The following DNAH1 variants were observed in gnomAD, a reference collection of about 807,000 sequenced individuals.
DNAH1 encodes the protein dynein axonemal heavy chain 1.
In DNAH1, 327 loss-of-function variants were observed where a neutral mutation model predicts 484.3. The observed-to-expected ratio is 0.68, with a 90% confidence interval of 0.62 to 0.74. The LOEUF (loss-of-function observed/expected upper bound fraction) is 0.74. Ranked by LOEUF, DNAH1 falls within the 30% of genes least tolerant of loss-of-function variation. The pLI is 0.00. For synonymous variants in DNAH1, 2,192 were observed against 2,191.9 expected, an observed-to-expected ratio of 1.00 and a Z score of 0.00; for missense variants, 5,052 against 5,546.8, an observed-to-expected ratio of 0.91 and a Z score of 2.83.
Position 52,345,583 on chromosome 3 carries a change from G to A in DNAH1, c.1533G>A (p.Thr511=), listed in dbSNP as rs774468676. Residue 511 remains threonine, a synonymous_variant, in exon 10 of 78, where the codon ACG becomes ACA. Coordinates refer to ENST00000420323, the MANE Select transcript of DNAH1 (RefSeq NM_015512.5). ...VSLLTRPEVI[T]ALSKVRAECN... ...TGCTCACACGGCCAGAGGTCATCAC[G>A]GCCCTCAGCAAGGTGAGGGCCGAGT... 47 of 1,602,252 alleles carry A rather than the reference G, an allele frequency of 2.9e-5. No homozygotes were observed. The highest frequency in any genetic ancestry group is 6.8e-5 in the East Asian group (3 of 44,316).
chr3:52,317,549 A>G (rs969596338), intron 1 of DNAH1, among the ~76,000 whole-genome samples: 3 of 152,356 alleles, frequency 2.0e-5, no homozygotes, highest in South Asian at 2.1e-4. Flanking sequence ...ACATATGTAT[A>G]TGTATTTAAA....
intron 55 of DNAH1, 54 bp from the exon 56 acceptor site, chr3:52,386,608 C>T: frequency 6.7e-7 from 1 of 1,487,994 alleles, no homozygotes; most frequent in Non-Finnish European, 9.0e-7. Context: ...AGGGTCCCTG[C>T]CGAGGGGTGC....
At position 52,358,561 on chromosome 3, in the gene DNAH1, C is replaced by T; in HGVS notation, c.4090C>T (p.Leu1364=). Residue 1364 remains leucine, a synonymous_variant, in exon 25 of 78, where the codon CTA becomes TTA. Transcript: ENST00000420323. The surrounding 1 kb of genome is among the most constrained non-coding windows in gnomAD (Gnocchi z 4.2). The stretch of plus-strand genomic sequence containing the variant: ...CCTGCTCCTCCACTGCTTGCAGCTG[C>T]TATTCCAGGAGGACCTGGAGATCAC... ...RKCFENIARL[L]FQEDLEITHM... 1 of 1,606,788 alleles carries T rather than the reference C, an allele frequency of 6.2e-7. No homozygotes were observed. The highest frequency in any genetic ancestry group is 1.1e-5 in the South Asian group (1 of 89,918).
Position 52,376,001 on chromosome 3 carries a change from T to G in DNAH1, c.7198+8T>G. 6.2e-7 allele frequency: 1 copy of G among 1,611,046 alleles called. No homozygotes were observed. Among genetic ancestry groups the G allele is most frequent in the South Asian group, 1.1e-5 (1 of 90,566 alleles). On this transcript the variant is annotated splice_region_variant and intron_variant, in intron 46 of 77. Coordinates refer to ENST00000420323, the MANE Select transcript of DNAH1 (RefSeq NM_015512.5). The stretch of plus-strand genomic sequence containing the variant: ...GCTACCGGGAGCGTGTGCGTAAGTG[T>G]GGGCCTGGGCGGGAATGGGGCACTG...
At position 52,346,576 on chromosome 3, in the gene DNAH1, C is replaced by A. The variant is rs201978072; in HGVS notation, c.1761C>A (p.Asn587Lys). 3 of 1,614,082 alleles carry A rather than the reference C, an allele frequency of 1.9e-6. No individual in the cohort carries two copies. The South Asian group carries it at 3.3e-5, about 18-fold the overall frequency. The change falls in exon 11 of 78, where the codon AAC becomes AAA. Residue 587 changes from asparagine to lysine, a missense_variant. Coordinates refer to ENST00000420323, the MANE Select transcript of DNAH1 (RefSeq NM_015512.5). ...GCTGGTACAACCTCTACGAGACCAA[C>A]TGGGAGGTGTACCTCATGTCCAAGC... ...SKGWYNLYET[N>K]WEVYLMSKLR... is the part of the protein sequence containing the mutation.
chr3:52,361,179 G>T lies in DNAH1; in HGVS notation c.4701G>T (p.Leu1567=). The T allele has an allele frequency of 1.2e-6, 2 of 1,609,734 alleles. No individual in the cohort carries two copies. Among genetic ancestry groups the T allele is most frequent in the South Asian group, 2.2e-5 (2 of 90,178 alleles). The change falls in exon 29 of 78, where the codon CTG becomes CTT. Residue 1567 remains leucine (L), a synonymous_variant. Transcript: ENST00000420323. The surrounding 1 kb of genome is among the most constrained non-coding windows in gnomAD (Gnocchi z 5.6). ...TCTCCTGCAGGTGCTACCTGACACT[G>T]ACCGGAGCTCTGCACCTCAAGTTTG... ...TPLTDRCYLT[L]TGALHLKFGG...
rs1318994353 is a variant in DNAH1, at chr3:52,391,193, G to A, written c.9756G>A (p.Gly3252=). 3.1e-6 allele frequency: 5 copies of A among 1,613,980 alleles called. No homozygotes were observed. The African/African-American group carries it at 5.3e-5, about 17-fold the overall frequency. Residue 3252 remains glycine, a synonymous_variant, in exon 62 of 78, where the codon GGG becomes GGA. Transcript: ENST00000420323. ...KWIKNMEKDN[G]LDVFKLSDRD... ...TTCCCTTACAGGAGAAGGACAATGG[G>A]CTGGATGTGTTCAAGTTGAGTGACC...
At chr3:52,311,198 CTG>C in the DNAH1 span, among the ~76,000 whole-genome samples, 2 of 152,204 alleles carry the variant, frequency 1.3e-5, no homozygotes, top group Non-Finnish European at 2.9e-5. Flanking sequence ...AGAGAAACAA[CTG>C]TGAGGCTCAG....
chr3:52,313,743 T>C (rs1700865538), upstream of DNAH1, among the ~76,000 whole-genome samples: 1 of 152,116 alleles, frequency 6.6e-6, no homozygotes, highest in South Asian at 2.1e-4. Context: ...TTTTACACAT[T>C]CGCTCCTGGA....
chr3:52,336,739 C>T (rs1701755634), intron 8 of DNAH1, among the ~76,000 whole-genome samples: 1 of 152,120 alleles, frequency 6.6e-6, no homozygotes, highest in Non-Finnish European at 1.5e-5. Flanking sequence ...GATCAGATGG[C>T]TGTAGGTGTG....
intron 9 of DNAH1, 23 bp from the exon 10 acceptor site, chr3:52,345,472 G>A (rs1229220004): frequency 1.3e-6 from 2 of 1,551,064 alleles, no homozygotes; most frequent in Admixed American, 3.9e-5. Context: ...TCTGATACTG[G>A]CCCTTGGCCC....
rs1704868555 is a variant in DNAH1 at position 52,400,477 on chromosome 3, C to T, written c.*31C>T. 6.2e-7 allele frequency: 1 copy of T among 1,613,726 alleles called. No individual in the cohort carries two copies. ...GACAGAAGGGCTGGGGCCATTAAAGCTGAATTTTCTAAGCAGTCCAGCTGT... is the reference window on the plus strand; with the variant it reads ...GACAGAAGGGCTGGGGCCATTAAAGTTGAATTTTCTAAGCAGTCCAGCTGT... On this transcript the variant is annotated 3_prime_UTR_variant, in exon 78 of 78. Coordinates refer to ENST00000420323, the MANE Select transcript of DNAH1 (RefSeq NM_015512.5).
chr3:52,322,919 A>G, intron 2 of DNAH1, 144 bp downstream of exon 2: 1 of 766,184 alleles, frequency 1.3e-6, no homozygotes, highest in Admixed American at 2.7e-5. Context: ...CTATCCATCT[A>G]CCCCCTATTA....
At position 52,394,353 on chromosome 3, in the gene DNAH1, G is replaced by A. The variant is rs1250424251; in HGVS notation, c.10627-112G>A. Reference sequence around the variant, plus strand: ...CTGTTTGACTACCATCCCCAAGGGAGACTCAGTTTCTCCAGGTGAGGGTGG... The same window carrying A: ...CTGTTTGACTACCATCCCCAAGGGAAACTCAGTTTCTCCAGGTGAGGGTGG... On this transcript the variant is annotated intron_variant, in intron 66 of 77. Coordinates refer to ENST00000420323, the MANE Select transcript of DNAH1 (RefSeq NM_015512.5). The A allele has an allele frequency of 9.8e-6, 10 of 1,016,796 alleles. No individual in the cohort carries two copies. In the East Asian group the frequency reaches 2.6e-4, roughly 27 times the overall value. 63.0% of individuals were successfully genotyped at this position (1,016,796 alleles called of 1,614,324 possible).
intron 41 of DNAH1, 58 bp downstream of exon 41, chr3:52,370,883 T>C: frequency 6.6e-7 from 1 of 1,514,800 alleles, no homozygotes; most frequent in Non-Finnish European, 9.0e-7. Flanking sequence ...TGGCTGCTGT[T>C]CCCGCAATGA....
chr3:52,365,869 C>G (rs1703053382), intron 34 of DNAH1, among the ~76,000 whole-genome samples: 1 of 152,222 alleles, frequency 6.6e-6, no homozygotes, highest in African/African-American at 2.4e-5. Context: ...TGAATGAAGC[C>G]TCAAACTCTT....
At chr3:52,375,622 G>T (rs1041260380) in intron 45 of DNAH1, among the ~76,000 whole-genome samples, 1 of 152,196 alleles carries the variant, frequency 6.6e-6, no homozygotes, top group Non-Finnish European at 1.5e-5. Flanking sequence ...ATTCCAGGTC[G>T]TGAGGGTTAA....
Position 52,317,412 on chromosome 3 carries a change from G to T in DNAH1, c.-35+867G>T, listed in dbSNP as rs148748749. ...GTGCAATGGGTGGGTGTGGCTTTGT[G>T]AGCCAAGCCCCAGGAGAACCAGAAC... On this transcript the variant is annotated intron_variant, in intron 1 of 77. Coordinates refer to ENST00000420323, the MANE Select transcript of DNAH1 (RefSeq NM_015512.5). Among the ~76,000 whole-genome samples the T allele has an allele frequency of 9.6e-4, 146 of 152,246 alleles. 3 individuals carry two copies. The East Asian group carries it at 0.022, about 23-fold the overall frequency.
chr3:52,375,150 T>C, intron 44 of DNAH1, 90 bp from the exon 45 acceptor site: 7 of 1,408,406 alleles, frequency 5.0e-6, no homozygotes, highest in South Asian at 1.4e-5. Flanking sequence ...TTCTAAAGTA[T>C]AATTTTGAAT....
Sources: allele counts gnomAD v4.1 joint callset (sites outside exome capture counted in the v4.1 genomes callset), GRCh38; gene constraint gnomAD v4.1.1; non-coding constraint Gnocchi (gnomAD v3.1); transcripts MANE v1.5; gene names NCBI Gene and HGNC (gene_info 2026-07-23, HGNC 2026-07-21).